The following LPA variants were observed in gnomAD, a reference collection of about 807,000 sequenced individuals.
LPA encodes the protein lipoprotein(a).
In LPA, 199 loss-of-function variants were observed where a neutral mutation model predicts 197.9. The observed-to-expected ratio is 1.01, with a 90% CI of 0.90 to 1.13. LPA has a LOEUF of 1.13. Among genes scored for constraint, LPA ranks in the 50% most tolerant of loss-of-function variants. The pLI, the probability that LPA is intolerant of heterozygous loss-of-function variation, is 0.00. For missense variants in LPA, 1,853 were observed against 1,785.8 expected (o/e 1.04, Z -0.68); for synonymous variants, 715 against 639.5 (o/e 1.12, Z -1.78).
intron 2 of LPA, among the ~76,000 whole-genome samples, chr6:160,646,939 G>A (rs1779894849): frequency 6.6e-6 from 1 of 152,022 alleles, no homozygotes; most frequent in African/African-American, 2.4e-5. Flanking sequence ...AAAACCTAGT[G>A]AAAAGGCTCT....
At chr6:160,555,258 T>C (rs1778235753) in intron 30 of LPA, among the ~76,000 whole-genome samples, 1 of 129,762 alleles carries the variant, frequency 7.7e-6, no homozygotes, top group African/African-American at 2.9e-5. Flanking sequence ...TATTATATTA[T>C]ATTATATTAT....
chr6:160,566,249 G>A (rs1171546488), intron 28 of LPA, among the ~76,000 whole-genome samples: 5 of 151,906 alleles, frequency 3.3e-5, no homozygotes, highest in Middle Eastern at 3.4e-3. Flanking sequence ...CAGAAAGGTC[G>A]GGTTACCCAC....
chr6:160,600,954 A>G lies in LPA; in HGVS notation c.3090T>C (p.Val1030=). The change falls in exon 19 of 39, where the codon GTT becomes GTC. Residue 1030 remains valine (V), a synonymous_variant. Transcript: ENST00000316300. ...AAGCCTCTAGGCTTGGAGCCAGAAT[A>G]ACATTCGGAGGGACGAAGGCAGTCC... ...AEWTAFVPPN[V]ILAPSLEAFF... is the part of the protein sequence containing the mutation. 6.2e-7 allele frequency: 1 copy of G among 1,613,434 alleles called. No homozygotes were observed. The highest frequency in any genetic ancestry group is 1.3e-5 in the African/African-American group (1 of 75,006).
At chr6:160,581,208 A>G (rs1280586610) in intron 26 of LPA, among the ~76,000 whole-genome samples, 1 of 152,158 alleles carries the variant, frequency 6.6e-6, no homozygotes, top group Non-Finnish European at 1.5e-5. Context: ...TGCTACCTGT[A>G]TTGAAAATAA....
chr6:160,580,697 C>G (rs756364929), intron 26 of LPA, among the ~76,000 whole-genome samples: 27 of 152,126 alleles, frequency 1.8e-4, no homozygotes, highest in Non-Finnish European at 2.9e-4. Context: ...ATTGTTGGCT[C>G]TGTGTGCATC....
chr6:160,574,756 G>T (rs918967782), intron 28 of LPA, among the ~76,000 whole-genome samples: 3 of 152,126 alleles, frequency 2.0e-5, no homozygotes, highest in African/African-American at 4.8e-5. Flanking sequence ...AGTATTTGGG[G>T]TGTCTCCCTT....
At chr6:160,579,013 T>C (rs1313210384) in intron 26 of LPA, among the ~76,000 whole-genome samples, 5 of 152,196 alleles carry the variant, frequency 3.3e-5, no homozygotes, top group East Asian at 3.9e-4. Flanking sequence ...TGCCAAATAC[T>C]TTCCTCCAGA....
rs545430198 is a variant in LPA at position 160,585,255 on chromosome 6, T to A, written c.4130-50A>T. The A allele has an allele frequency of 2.3e-5, 37 of 1,596,260 alleles. No homozygotes were observed. The African/African-American group carries it at 4.8e-4, about 21-fold the overall frequency. ...CTCAGTATTGCCTAGAAAAGGGAAA[T>A]GTGAAAAAAATTATGACACACAAAG... On this transcript the variant is annotated intron_variant, in intron 25 of 38. Transcript: ENST00000316300.
At position 160,600,968 on chromosome 6, in the gene LPA, C is replaced by T. The variant is rs759100515; in HGVS notation, c.3076G>A (p.Val1026Ile). The T allele has an allele frequency of 5.0e-5, 80 of 1,613,596 alleles. No homozygotes were observed. The highest frequency in any genetic ancestry group is 8.8e-5 in the South Asian group (8 of 91,066). ...GGAGCCAGAATAACATTCGGAGGGACGAAGGCAGTCCATTCTGCATCTGAG... is the reference window on the plus strand; with the variant it reads ...GGAGCCAGAATAACATTCGGAGGGATGAAGGCAGTCCATTCTGCATCTGAG... ...RCSDAEWTAF[V>I]PPNVILAPSL... Residue 1026 changes from valine to isoleucine, a missense_variant, in exon 19 of 39, where the codon GTC (valine) becomes ATC (isoleucine). Transcript: ENST00000316300.
intron 30 of LPA, among the ~76,000 whole-genome samples, chr6:160,554,919 T>C (rs1486693412): frequency 6.6e-6 from 1 of 152,128 alleles, no homozygotes; most frequent in African/African-American, 2.4e-5. Flanking sequence ...TCCAGGAAGG[T>C]TCTCCAGGAA....
Position 160,578,623 on chromosome 6 carries a change from C to A in LPA, c.4371G>T (p.Trp1457Cys). 3.7e-6 allele frequency: 6 copies of A among 1,613,992 alleles called. No homozygotes were observed. Among genetic ancestry groups the A allele is most frequent in the Non-Finnish European group, 5.1e-6 (6 of 1,179,912 alleles). Residue 1457 changes from tryptophan to cysteine, a missense_variant, in exon 27 of 39, where the codon TGG becomes TGT. By Grantham distance (215) the Trp-to-Cys change is radical. Coordinates refer to ENST00000316300, the MANE Select transcript of LPA (RefSeq NM_005577.4). ...WCYTMDPSVR[W>C]EYCNLTRCPV... ...GACATCGTGTCAGGTTGCAGTACTC[C>A]CACCTGACACTGGGATCCATGGTGT...
chr6:160,566,598 A>G (rs942148221), intron 28 of LPA, among the ~76,000 whole-genome samples: 1 of 152,190 alleles, frequency 6.6e-6, no homozygotes, highest in Non-Finnish European at 1.5e-5. Flanking sequence ...GAGCAAAATA[A>G]CCAGCGAACA....
At chr6:160,574,742 TCA>T (rs1442584946) in intron 28 of LPA, among the ~76,000 whole-genome samples, 1 of 152,170 alleles carries the variant, frequency 6.6e-6, no homozygotes, top group South Asian at 2.1e-4. Flanking sequence ...GTTGGGGAAC[TCA>T]CAGTATTTGG....
intron 26 of LPA, among the ~76,000 whole-genome samples, chr6:160,584,300 T>A (rs1186550168): frequency 1.3e-5 from 2 of 149,474 alleles, no homozygotes; most frequent in African/African-American, 2.5e-5. Flanking sequence ...CTTCCTCTTC[T>A]TCTTCTTCCT....
chr6:160,569,378 G>A (rs978798114), intron 28 of LPA, among the ~76,000 whole-genome samples: 1 of 151,828 alleles, frequency 6.6e-6, no homozygotes, highest in African/African-American at 2.4e-5. Flanking sequence ...ACAAGAAATA[G>A]GGAAAGGTTT....
intron 28 of LPA, among the ~76,000 whole-genome samples, chr6:160,559,089 AACACCTAT>A (rs1421876349): frequency 1.3e-5 from 2 of 152,174 alleles, no homozygotes; most frequent in African/African-American, 4.8e-5. Flanking sequence ...ATTTTGGATC[AACACCTAT>A]ACCTGTGGAG....
At chr6:160,580,128 T>C (rs1380459103) in intron 26 of LPA, among the ~76,000 whole-genome samples, 1 of 152,220 alleles carries the variant, frequency 6.6e-6, no homozygotes, top group African/African-American at 2.4e-5. Flanking sequence ...AATGGACTCA[T>C]ACAGACTATA....
intron 28 of LPA, among the ~76,000 whole-genome samples, chr6:160,571,625 G>T (rs1326973512): frequency 2.0e-5 from 3 of 152,240 alleles, no homozygotes; most frequent in Non-Finnish European, 4.4e-5. Flanking sequence ...TTGCCAAGCT[G>T]CAGTGCACCC....
chr6:160,582,210 A>T (rs1375377382), intron 26 of LPA, among the ~76,000 whole-genome samples: 1 of 150,142 alleles, frequency 6.7e-6, no homozygotes, highest in African/African-American at 2.5e-5. Flanking sequence ...TTCTGACTTG[A>T]TCTTTTTTTT....
Sources: allele counts gnomAD v4.1 joint callset (sites outside exome capture counted in the v4.1 genomes callset), GRCh38; gene constraint gnomAD v4.1.1; transcripts MANE v1.5; gene names NCBI Gene and HGNC (gene_info 2026-07-23, HGNC 2026-07-21).